L3MBTL4: variants seen among roughly 807,000 people sequenced by gnomAD.
The protein encoded by L3MBTL4 is lethal(3)malignant brain tumor-like protein 4.
In L3MBTL4, 70 loss-of-function variants were observed where a neutral mutation model predicts 84.5. The observed-to-expected ratio is 0.83, with a 90% confidence interval of 0.68 to 1.01. The LOEUF (loss-of-function observed/expected upper bound fraction) is 1.01. Among genes scored for constraint, L3MBTL4 ranks in the 50% least tolerant of loss-of-function variants. The probability of loss-of-function intolerance (pLI) is 0.00; values close to 1 mark genes in which losing one functional copy is unlikely to be tolerated. For synonymous variants in L3MBTL4, 274 were observed against 259.8 expected (o/e 1.05, Z -0.52); for missense variants, 715 against 754.8 (o/e 0.95, Z 0.62).
At chr18:6,156,628 G>A (rs9950216) in intron 13 of L3MBTL4, among the ~76,000 whole-genome samples, 11,084 of 152,194 alleles carry the variant, frequency 0.073, 1,362 homozygotes, top group African/African-American at 0.25. Flanking sequence ...TCTACTCAAC[G>A]TCCATATGCT....
intron 16 of L3MBTL4, chr18:6,030,646 C>T: frequency 6.7e-6 from 6 of 889,514 alleles, no homozygotes; most frequent in Non-Finnish European, 8.1e-6. Context: ...TTACAGGTGC[C>T]TGCCACCACA....
At chr18:6,223,273 C>T (rs1054437570) in intron 10 of L3MBTL4, among the ~76,000 whole-genome samples, 2 of 152,110 alleles carry the variant, frequency 1.3e-5, no homozygotes, top group South Asian at 2.1e-4. Context: ...GAAATAAACA[C>T]ATACTTTTAG....
chr18:6,000,106 A>G (rs1272279017), intron 16 of L3MBTL4, among the ~76,000 whole-genome samples: 1 of 152,176 alleles, frequency 6.6e-6, no homozygotes, highest in Non-Finnish European at 1.5e-5. Context: ...AAAAGAAAGA[A>G]GAAAAAGAAA....
At chr18:6,406,992 T>C (rs372251758) in intron 1 of L3MBTL4, among the ~76,000 whole-genome samples, 13 of 152,356 alleles carry the variant, frequency 8.5e-5, no homozygotes, top group African/African-American at 3.1e-4. Flanking sequence ...CCTCACACTT[T>C]GCGCATCACG....
chr18:6,160,404 C>G (rs896327887), intron 13 of L3MBTL4, among the ~76,000 whole-genome samples: 2 of 152,074 alleles, frequency 1.3e-5, no homozygotes, highest in Non-Finnish European at 2.9e-5. Context: ...ATCTCACAGG[C>G]CTGCAGATTC....
intron 16 of L3MBTL4, among the ~76,000 whole-genome samples, chr18:5,993,021 G>A (rs1354992351): frequency 6.6e-6 from 1 of 152,192 alleles, no homozygotes; most frequent in Non-Finnish European, 1.5e-5. Context: ...CAGATGATGG[G>A]TTGGTGGAAT....
intron 14 of L3MBTL4, among the ~76,000 whole-genome samples, chr18:6,106,337 T>C (rs564251141): frequency 6.6e-6 from 1 of 152,346 alleles, no homozygotes; most frequent in South Asian, 2.1e-4. Flanking sequence ...AACATATTTA[T>C]ATAACACCCT....
At chr18:6,242,856 T>G (rs1396026566) in intron 7 of L3MBTL4, among the ~76,000 whole-genome samples, 2 of 152,324 alleles carry the variant, frequency 1.3e-5, no homozygotes, top group East Asian at 3.9e-4. Flanking sequence ...AAGAAAATAG[T>G]GATTTTTTTC....
chr18:6,339,943 T>C (rs1216666078), intron 1 of L3MBTL4, among the ~76,000 whole-genome samples: 2 of 152,170 alleles, frequency 1.3e-5, no homozygotes, highest in African/African-American at 4.8e-5. Flanking sequence ...AATCTTTCTA[T>C]AAAGAAATCT....
At chr18:6,266,916 C>T (rs894427836) in intron 4 of L3MBTL4, among the ~76,000 whole-genome samples, 1 of 151,798 alleles carries the variant, frequency 6.6e-6, no homozygotes, top group African/African-American at 2.4e-5. Flanking sequence ...GAGTGAAACT[C>T]CGTCTCAGAA....
Position 6,237,967 on chromosome 18 carries a change from G to C in L3MBTL4, c.781C>G (p.Gln261Glu), listed in dbSNP as rs902328760. 3.1e-6 allele frequency: 5 copies of C among 1,613,492 alleles called. No homozygotes were observed. The highest frequency in any genetic ancestry group is 4.2e-6 in the Non-Finnish European group (5 of 1,179,552). Reference sequence around the variant, plus strand: ...AAAACCCAGGCAGTCCACTCACCTTGGGGTGCTATCAGAGTTCTTCCATTC... The same window carrying C: ...AAAACCCAGGCAGTCCACTCACCTTCGGGTGCTATCAGAGTTCTTCCATTC... ...QENGRTLIAP[Q>E]GYPNPENFSW... Residue 261 changes from glutamine (Q) to glutamate (E), a missense_variant, in exon 10 of 19, where the codon CAA becomes GAA. By Grantham distance (29) the Gln-to-Glu change is conservative (BLOSUM62 2). Coordinates refer to ENST00000317931, the MANE Select transcript of L3MBTL4 (RefSeq NM_001330559.2).
At chr18:6,033,231 G>A (rs1299592187) in intron 16 of L3MBTL4, among the ~76,000 whole-genome samples, 2 of 152,082 alleles carry the variant, frequency 1.3e-5, no homozygotes. Context: ...AATATATAAT[G>A]TCTTTGCCTA....
chr18:5,956,998 G>A (rs539935195), intron 18 of L3MBTL4, among the ~76,000 whole-genome samples: 2 of 152,204 alleles, frequency 1.3e-5, no homozygotes, highest in African/African-American at 4.8e-5. Flanking sequence ...AACATGCATG[G>A]CTGCATGTAT....
chr18:6,081,745 G>A (rs781162472), intron 15 of L3MBTL4, among the ~76,000 whole-genome samples: 2 of 152,126 alleles, frequency 1.3e-5, no homozygotes, highest in African/African-American at 2.4e-5. Context: ...TGAGGAAACC[G>A]ATTCAGTTAC....
At position 6,267,973 on chromosome 18, in the gene L3MBTL4, T is replaced by C. The variant is rs536348051; in HGVS notation, c.128-3935A>G. 2.0e-5 allele frequency among the ~76,000 whole-genome samples: 3 copies of C among 152,294 alleles called. No individual in the cohort carries two copies. The South Asian group carries it at 6.2e-4, about 32-fold the overall frequency. On this transcript the variant is annotated intron_variant, in intron 4 of 18. Transcript: ENST00000317931. Reference sequence around the variant, plus strand: ...CTCTGTTTCTCACCATGTTGTTTTATTTTTCACAGAAAGCACTTTAGCTGA... The same window carrying C: ...CTCTGTTTCTCACCATGTTGTTTTACTTTTCACAGAAAGCACTTTAGCTGA...
chr18:6,077,384 T>C (rs973583159), intron 16 of L3MBTL4, among the ~76,000 whole-genome samples: 1 of 152,228 alleles, frequency 6.6e-6, no homozygotes, highest in Non-Finnish European at 1.5e-5. Context: ...TATGTTTATA[T>C]ATTGTTGTTG....
intron 14 of L3MBTL4, among the ~76,000 whole-genome samples, chr18:6,096,194 C>G (rs1409136622): frequency 6.6e-6 from 1 of 152,172 alleles, no homozygotes; most frequent in Admixed American, 6.5e-5. Flanking sequence ...CAGACCCCTC[C>G]ACAGTGAGCT....
At chr18:6,030,882 C>A in intron 16 of L3MBTL4, 1 of 985,108 alleles carries the variant, frequency 1.0e-6, no homozygotes, top group Non-Finnish European at 1.2e-6. Context: ...ATATAAACAA[C>A]CAGGCAGCCA....
At chr18:6,243,105 C>CA (rs1345319016) in intron 7 of L3MBTL4, among the ~76,000 whole-genome samples, 189 bp downstream of exon 7, 5 of 152,274 alleles carry the variant, frequency 3.3e-5, no homozygotes, top group Middle Eastern at 3.4e-3. Context: ...GTCATTTATG[C>CA]TTTTCTTTAA....
Sources: allele counts gnomAD v4.1 joint callset (sites outside exome capture counted in the v4.1 genomes callset), GRCh38; gene constraint gnomAD v4.1.1; transcripts MANE v1.5; gene names NCBI Gene and HGNC (gene_info 2026-07-23, HGNC 2026-07-21).